Variants in OXSR1 observed in about 807,000 individuals in gnomAD.
The protein encoded by OXSR1 is oxidative stress responsive kinase 1, also known as serine/threonine-protein kinase OSR1.
In OXSR1, 24 loss-of-function variants were observed where a neutral mutation model predicts 79.8. The observed-to-expected ratio is 0.30, with a 90% CI of 0.22 to 0.42. OXSR1 has a LOEUF of 0.42. OXSR1 is among the 10% of genes least tolerant of loss of function. The pLI is 1.00. For synonymous variants in OXSR1, 226 were observed against 209.2 expected, an observed-to-expected ratio of 1.08 and a Z score of -0.69; for missense variants, 430 against 618.4, an observed-to-expected ratio of 0.70 and a Z score of 3.23.
chr3:38,214,534 G>A (rs560357669), intron 4 of OXSR1, among the ~76,000 whole-genome samples: 2 of 152,270 alleles, frequency 1.3e-5, no homozygotes, highest in Admixed American at 1.3e-4. Context: ...CTCAGAAAAG[G>A]GAGTTGGAAG....
chr3:38,230,377 C>T lies in OXSR1; in HGVS notation c.898C>T (p.Leu300Phe). The change falls in exon 10 of 18, where the codon CTT becomes TTT. Residue 300 changes from leucine (L) to phenylalanine (F), a missense_variant. Leu to Phe is a conservative substitution (Grantham distance 22). This residue lies in a region of OXSR1 where 276 missense variants were observed against 354.2 expected (regional missense o/e 0.78). Transcript: ENST00000311806. ...TTTTCCTCTCCAGAATAAAGAATTT[C>T]TTCAAGAAAAAACATTGCAGAGAGC... ...FFQKAKNKEF[L>F]QEKTLQRAPT... 1 of 1,594,870 alleles carries T rather than the reference C, an allele frequency of 6.3e-7. No individual in the cohort carries two copies. The highest frequency in any genetic ancestry group is 8.6e-7 in the Non-Finnish European group (1 of 1,166,282).
intron 6 of OXSR1, among the ~76,000 whole-genome samples, chr3:38,223,443 CTT>C (rs1180070844): frequency 9.5e-5 from 13 of 136,996 alleles, no homozygotes; most frequent in Admixed American, 2.2e-4. Context: ...CAGAAGCTAA[CTT>C]TTTTTTTTTT....
rs964300289 is a variant in OXSR1, at chr3:38,252,402, C to T, written c.1509+10C>T. On this transcript the variant is annotated intron_variant, in intron 17 of 17. Coordinates refer to ENST00000311806, the MANE Select transcript of OXSR1 (RefSeq NM_005109.3). ...TGTCACTTTCAAACTGGTACTCATC[C>T]CTTCTTCCTTGTGAAAACATCTTGC... 1.1e-5 allele frequency: 17 copies of T among 1,593,352 alleles called. No individual in the cohort carries two copies. In the African/African-American group the frequency reaches 1.9e-4, roughly 18 times the overall value.
chr3:38,175,653 A>AT (rs1435428297), intron 1 of OXSR1, among the ~76,000 whole-genome samples: 1 of 152,100 alleles, frequency 6.6e-6, no homozygotes, highest in African/African-American at 2.4e-5. Context: ...AGAAACTGAA[A>AT]TTTTTTCTTA....
intron 4 of OXSR1, among the ~76,000 whole-genome samples, chr3:38,200,347 T>A (rs1702142825): frequency 6.6e-6 from 1 of 152,192 alleles, no homozygotes; most frequent in Non-Finnish European, 1.5e-5. Flanking sequence ...TATAGCAGAT[T>A]AAAGGAAAGC....
intron 1 of OXSR1, among the ~76,000 whole-genome samples, chr3:38,181,109 G>A (rs1292725931): frequency 6.6e-6 from 1 of 151,060 alleles, no homozygotes; most frequent in Admixed American, 6.6e-5. Flanking sequence ...ATTCCCTAAG[G>A]CTTTGTTCTT....
chr3:38,250,339 C>T (rs897253905), intron 15 of OXSR1, among the ~76,000 whole-genome samples: 2 of 152,100 alleles, frequency 1.3e-5, no homozygotes. Flanking sequence ...CCCATAGTAT[C>T]GATGATGAAA....
intron 2 of OXSR1, among the ~76,000 whole-genome samples, chr3:38,187,857 A>G (rs1171490185): frequency 1.3e-5 from 2 of 152,108 alleles, no homozygotes; most frequent in Non-Finnish European, 2.9e-5. Flanking sequence ...AAGTGCTGGG[A>G]TTATAGGTGT....
chr3:38,188,667 C>T (rs1230524936), intron 2 of OXSR1, among the ~76,000 whole-genome samples: 1 of 152,122 alleles, frequency 6.6e-6, no homozygotes, highest in East Asian at 1.9e-4. Context: ...TAGGATGAAG[C>T]CTGATTTTTA....
At chr3:38,204,408 T>C (rs1702228151) in intron 4 of OXSR1, among the ~76,000 whole-genome samples, 1 of 152,002 alleles carries the variant, frequency 6.6e-6, no homozygotes, top group African/African-American at 2.4e-5. Flanking sequence ...AAGGAGTCCC[T>C]CCCTGTAGCC....
intron 3 of OXSR1, among the ~76,000 whole-genome samples, chr3:38,196,491 A>G (rs1702074637): frequency 6.6e-6 from 1 of 152,208 alleles, no homozygotes. Context: ...CATAAGAATT[A>G]TCTTGTTGGG....
At position 38,224,662 on chromosome 3, in the gene OXSR1, GA is replaced by G; in HGVS notation, c.799del (p.Met267Ter). 6.3e-7 allele frequency: 1 copy of G among 1,581,528 alleles called. No individual in the cohort carries two copies. The highest frequency in any genetic ancestry group is 8.6e-7 in the Non-Finnish European group (1 of 1,159,982). On this transcript the variant is annotated frameshift_variant, in exon 8 of 18. Coordinates refer to ENST00000311806, the MANE Select transcript of OXSR1 (RefSeq NM_005109.3). LOFTEE classifies it high-confidence loss of function. ...CTGAAAAAATATGGAAAATCATTTA[GA>G]AAAATGATTTCATTGTGCCTTCAAA... ...EMLKKYGKSF[R>X]KMISLCLQKD...
intron 12 of OXSR1, among the ~76,000 whole-genome samples, chr3:38,243,362 G>A (rs1252194190): frequency 2.0e-5 from 3 of 152,110 alleles, no homozygotes; most frequent in South Asian, 2.1e-4. Context: ...ATTTGTTTGC[G>A]AATTTGTCAA....
intron 14 of OXSR1, among the ~76,000 whole-genome samples, chr3:38,248,026 T>C (rs1447776325): frequency 6.6e-6 from 1 of 152,168 alleles, no homozygotes; most frequent in Non-Finnish European, 1.5e-5. Flanking sequence ...GTGTAGCCTG[T>C]AATTGAGGAA....
chr3:38,252,536 G>C (rs1236307859), intron 17 of OXSR1, 144 bp downstream of exon 17: 7 of 712,572 alleles, frequency 9.8e-6, no homozygotes, highest in African/African-American at 8.8e-5. Flanking sequence ...GCCCTGGGCT[G>C]ATGTTTCCCT....
chr3:38,178,620 A>ATATATATT (rs1265646743), intron 1 of OXSR1, among the ~76,000 whole-genome samples: 16 of 95,098 alleles, frequency 1.7e-4, no homozygotes, highest in African/African-American at 4.4e-4. Context: ...ATATATATAT[A>ATATATATT]TTTTTTTTTT....
intron 8 of OXSR1, among the ~76,000 whole-genome samples, chr3:38,228,645 A>T (rs1702741593): frequency 6.6e-6 from 1 of 152,154 alleles, no homozygotes; most frequent in African/African-American, 2.4e-5. Flanking sequence ...ATCTTGGCTC[A>T]CTGCAACCTC....
At chr3:38,244,183 G>A (rs1435347820) in intron 12 of OXSR1, among the ~76,000 whole-genome samples, 1 of 151,988 alleles carries the variant, frequency 6.6e-6, no homozygotes, top group African/African-American at 2.4e-5. Flanking sequence ...TTTATTTTTA[G>A]TCTTCTCCTT....
intron 10 of OXSR1, among the ~76,000 whole-genome samples, chr3:38,231,141 G>T (rs772723323): frequency 6.6e-6 from 1 of 152,132 alleles, no homozygotes; most frequent in African/African-American, 2.4e-5. Flanking sequence ...ATTCTCTTCC[G>T]TAGATCTCAC....
Sources: gnomAD v4.1 joint callset for allele counts (sites outside exome capture counted in the v4.1 genomes callset) on GRCh38, gnomAD v4.1.1 for gene constraint, gnomAD v4.1.1 regional missense constraint, MANE v1.5 for transcripts, NCBI Gene and HGNC (gene_info 2026-07-23, HGNC 2026-07-21) for gene names.